The following SEC16B variants were observed in gnomAD, a reference collection of about 807,000 sequenced individuals.
SEC16B encodes the protein SEC16 homolog B, endoplasmic reticulum export factor, also known as protein transport protein Sec16B.
SEC16B carries 115 observed loss-of-function variants against 141.8 expected under a neutral mutation model. That is an observed-to-expected ratio of 0.81 (90% CI 0.70 to 0.95). The LOEUF is 0.95. Ranked by LOEUF, SEC16B falls within the 40% of genes least tolerant of loss-of-function variation. The pLI is 0.00. For synonymous variants in SEC16B, 493 were observed against 492.5 expected, an observed-to-expected ratio of 1.00 and a Z score of -0.01; for missense variants, 1,291 against 1,312.3, an observed-to-expected ratio of 0.98 and a Z score of 0.25.
At chr1:177,948,641 C>G in intron 12 of SEC16B, 1 of 1,290,836 alleles carries the variant, frequency 7.7e-7, no homozygotes, top group Non-Finnish European at 1.0e-6. Flanking sequence ...GGCTGTCCTA[C>G]TAAATAAAGG....
rs1653660162 is a variant in SEC16B, at chr1:177,967,772, G to C, written c.210C>G (p.Pro70=). ...QEPRADHQQQ[P]HYASRPGDWH... is the part of the protein sequence containing the mutation. Reference sequence around the variant, plus strand: ...AGTCCCCTGGCCTGGATGCATAATGGGGCTGCTGCTGATGGTCTGCCCTGG... The same window carrying C: ...AGTCCCCTGGCCTGGATGCATAATGCGGCTGCTGCTGATGGTCTGCCCTGG... Residue 70 remains proline, a synonymous_variant, in exon 2 of 26, where the codon CCC becomes CCG. Coordinates refer to ENST00000308284, the MANE Select transcript of SEC16B (RefSeq NM_033127.4). The C allele has an allele frequency of 1.2e-6, 2 of 1,613,840 alleles. No individual in the cohort carries two copies. Among genetic ancestry groups the C allele is most frequent in the African/African-American group, 1.3e-5 (1 of 74,900 alleles).
chr1:177,971,527 C>T (rs1052022825), upstream of SEC16B: 3 of 152,162 alleles, frequency 2.0e-5, no homozygotes, highest in Non-Finnish European at 2.9e-5. Flanking sequence ...ATTACACTGA[C>T]GTGATATCAA....
Position 177,933,226 on chromosome 1 carries a change from G to A in SEC16B, c.2811C>T (p.Ser937=). The A allele has an allele frequency of 6.3e-7, 1 of 1,583,242 alleles. No individual in the cohort carries two copies. Among genetic ancestry groups the A allele is most frequent in the Non-Finnish European group, 8.6e-7 (1 of 1,164,154 alleles). Residue 937 remains serine (S), a synonymous_variant, in exon 22 of 26, where the codon AGC becomes AGT. Transcript: ENST00000308284. ...SPAGDEDSSD[S]PDSEETPRAS... The stretch of plus-strand genomic sequence containing the variant: ...CCACAGAGCCTACCTCAGAGTCAGG[G>A]CTGTCTGAGGAGTCCTCGTCTCCAG...
upstream of SEC16B, among the ~76,000 whole-genome samples, chr1:177,975,106 G>A (rs552592422): frequency 6.6e-6 from 1 of 152,188 alleles, no homozygotes; most frequent in African/African-American, 2.4e-5. Flanking sequence ...ATGACGGTTT[G>A]GAATGGCCAG....
chr1:177,936,332 G>A lies in SEC16B; in HGVS notation c.2537C>T (p.Pro846Leu). ...GGAAATGACCTCTTGGCCATCAGGAGGCTGGGAAGTTTCTTGAGACACTGT... is the reference window on the plus strand; with the variant it reads ...GGAAATGACCTCTTGGCCATCAGGAAGCTGGGAAGTTTCTTGAGACACTGT... The part of the protein sequence containing the change: ...ENTVSQETSQ[P>L]PDGQEVISKP... Residue 846 changes from proline (P) to leucine (L), a missense_variant, in exon 20 of 26, where the codon CCT becomes CTT. Pro to Leu is a moderately conservative substitution (Grantham distance 98). Coordinates refer to ENST00000308284, the MANE Select transcript of SEC16B (RefSeq NM_033127.4). 1 of 1,611,324 alleles carries A rather than the reference G, an allele frequency of 6.2e-7. No individual in the cohort carries two copies. Among genetic ancestry groups the A allele is most frequent in the Non-Finnish European group, 8.5e-7 (1 of 1,178,896 alleles).
intron 12 of SEC16B, chr1:177,948,603 T>C: frequency 7.7e-7 from 1 of 1,303,962 alleles, no homozygotes; most frequent in Admixed American, 2.3e-5. Context: ...CCCGCATCAA[T>C]GGTGTTTTCC....
Position 177,958,970 on chromosome 1 carries a change from T to A in SEC16B, c.1004A>T (p.Asp335Val). The A allele has an allele frequency of 2.5e-6, 4 of 1,612,828 alleles. No individual in the cohort carries two copies. The highest frequency in any genetic ancestry group is 1.1e-5 in the South Asian group (1 of 90,808). ...RSFSGPLIRE[D>V]VHKVDIMTFC... Reference sequence around the variant, plus strand: ...CGTCATAATATCCACCTTATGTACATCTTCCCTACATGGAAAAAATTTAGG... The same window carrying A: ...CGTCATAATATCCACCTTATGTACAACTTCCCTACATGGAAAAAATTTAGG... Residue 335 changes from aspartate (D) to valine (V), a missense_variant, in exon 9 of 26, where the codon GAT becomes GTT. By Grantham distance (152) the Asp-to-Val change is radical (BLOSUM62 -3). Around this residue, in one of 3 missense-constraint regions of SEC16B, gnomAD observed 681 missense variants for 675.5 expected, o/e 1.01. Transcript: ENST00000308284.
rs1414681593 is a variant in SEC16B at position 177,965,294 on chromosome 1, G to GA, written c.413-128dup. On this transcript the variant is annotated intron_variant, in intron 3 of 25. Coordinates refer to ENST00000308284, the MANE Select transcript of SEC16B (RefSeq NM_033127.4). ...GATCTAAAAACATATTTTCCAAATTGAAAAAATAGATAGGTGAGAGCTAAT... is the reference window on the plus strand; with the variant it reads ...GATCTAAAAACATATTTTCCAAATTGAAAAAAATAGATAGGTGAGAGCTAAT... The GA allele has an allele frequency of 1.1e-5, 12 of 1,140,714 alleles. No homozygotes were observed. In the South Asian group the frequency reaches 1.4e-4, roughly 13 times the overall value. 70.7% of individuals were successfully genotyped at this position (1,140,714 alleles called of 1,614,324 possible). A position where few individuals can be genotyped will look rare whatever the true frequency, so the allele number is the denominator to read the frequency against.
intron 20 of SEC16B, among the ~76,000 whole-genome samples, chr1:177,934,017 G>A (rs1650657035): frequency 2.0e-5 from 3 of 151,204 alleles, no homozygotes; most frequent in Non-Finnish European, 4.4e-5. Flanking sequence ...AACAGAGAAT[G>A]TAGCAACCAC....
intron 14 of SEC16B, 25 bp downstream of exon 14, chr1:177,946,395 G>A (rs543736798): frequency 1.7e-5 from 26 of 1,487,220 alleles, no homozygotes; most frequent in Admixed American, 5.9e-5. Context: ...TGTCCTTACT[G>A]TTTCCTTTCT....
In SEC16B at chr1:177,943,002, A is replaced by C. The variant is rs998795244; in HGVS notation, c.1882-962T>G. Among the ~76,000 whole-genome samples the C allele has an allele frequency of 2.0e-5, 3 of 152,232 alleles. No individual in the cohort carries two copies. In the South Asian group the frequency reaches 6.2e-4, roughly 31 times the overall value. On this transcript the variant is annotated intron_variant, in intron 15 of 25. Coordinates refer to ENST00000308284, the MANE Select transcript of SEC16B (RefSeq NM_033127.4). ...CATGCAAGAGATGAGGGCCGATAGCATGTTACCCTTCCGGGCCTCCGTTTT... is the reference window on the plus strand; with the variant it reads ...CATGCAAGAGATGAGGGCCGATAGCCTGTTACCCTTCCGGGCCTCCGTTTT...
intron 24 of SEC16B, among the ~76,000 whole-genome samples, chr1:177,931,445 T>TAA (rs199793931): frequency 1.3e-5 from 2 of 151,856 alleles, no homozygotes; most frequent in East Asian, 1.9e-4. Context: ...GGGTCAGGGA[T>TAA]AAAAAAAACT....
At chr1:177,982,799 A>G (rs936981182) in intron 1 of SEC16B, among the ~76,000 whole-genome samples, 2 of 152,140 alleles carry the variant, frequency 1.3e-5, no homozygotes, top group African/African-American at 4.8e-5. Context: ...AAGCAATTTC[A>G]TTTTCTTAAG....
chr1:177,972,081 T>A (rs1273734927), upstream of SEC16B, among the ~76,000 whole-genome samples: 1 of 152,212 alleles, frequency 6.6e-6, no homozygotes, highest in African/African-American at 2.4e-5. Flanking sequence ...TGCACAACCC[T>A]GGCTTAAACA....
In SEC16B at chr1:177,933,249, C is replaced by T. The variant is rs1287990520; in HGVS notation, c.2788G>A (p.Gly930Arg). The T allele has an allele frequency of 1.9e-6, 3 of 1,596,420 alleles. No individual in the cohort carries two copies. The highest frequency in any genetic ancestry group is 2.6e-6 in the Non-Finnish European group (3 of 1,171,504). The stretch of plus-strand genomic sequence containing the variant: ...GGGCTGTCTGAGGAGTCCTCGTCTC[C>T]AGCGGGGGATGCGTTCTTGGTGGGC... ...SKPTKNASPA[G>R]DEDSSDSPDS... Residue 930 changes from glycine (G) to arginine (R), a missense_variant, in exon 22 of 26, where the codon GGA becomes AGA. By Grantham distance (125) the Gly-to-Arg change is moderately radical. Coordinates refer to ENST00000308284, the MANE Select transcript of SEC16B (RefSeq NM_033127.4).
rs1007535355 is a variant in SEC16B at position 177,930,539 on chromosome 1, C to A, written c.3111+6G>T. ...GGCCAGCCCCTCCCCCTGAGGGCTTCCTTACCTGAGGCACCTGAGATGGGT... is the reference window on the plus strand; with the variant it reads ...GGCCAGCCCCTCCCCCTGAGGGCTTACTTACCTGAGGCACCTGAGATGGGT... On this transcript the variant is annotated splice_donor_region_variant and intron_variant, in intron 25 of 25. Coordinates refer to ENST00000308284, the MANE Select transcript of SEC16B (RefSeq NM_033127.4). 5 of 1,610,810 alleles carry A rather than the reference C, an allele frequency of 3.1e-6. No individual in the cohort carries two copies. Among genetic ancestry groups the A allele is most frequent in the Admixed American group, 1.7e-5 (1 of 59,932 alleles).
chr1:177,939,832 A>G, intron 17 of SEC16B, 55 bp from the exon 18 acceptor site: 2 of 1,330,304 alleles, frequency 1.5e-6, no homozygotes, highest in Non-Finnish European at 2.1e-6. Context: ...AAACAAGAAC[A>G]GAGAAACAAA....
At chr1:177,946,325 T>A (rs1033686318) in intron 14 of SEC16B, 95 bp downstream of exon 14, 2 of 924,058 alleles carry the variant, frequency 2.2e-6, no homozygotes, top group Admixed American at 4.0e-5. Flanking sequence ...GAAATTCACA[T>A]GAGAAAATGA....
At position 177,965,033 on chromosome 1, in the gene SEC16B, C is replaced by T; in HGVS notation, c.533+14G>A. ...ACAACATCATGTCAAACTGGCCTCT[C>T]CTTTCACACTTACTGGAAGTGGGTC... On this transcript the variant is annotated intron_variant, in intron 4 of 25. Coordinates refer to ENST00000308284, the MANE Select transcript of SEC16B (RefSeq NM_033127.4). 3.7e-6 allele frequency: 6 copies of T among 1,612,742 alleles called. No homozygotes were observed. Among genetic ancestry groups the T allele is most frequent in the Non-Finnish European group, 5.1e-6 (6 of 1,179,414 alleles).
Sources: gnomAD v4.1 joint callset for allele counts (sites outside exome capture counted in the v4.1 genomes callset) on GRCh38, gnomAD v4.1.1 for gene constraint, gnomAD v4.1.1 regional missense constraint, MANE v1.5 for transcripts, NCBI Gene and HGNC (gene_info 2026-07-23, HGNC 2026-07-21) for gene names.